Variants in MAP3K4 observed in about 807,000 individuals in gnomAD.
MAP3K4 encodes the protein mitogen-activated protein kinase kinase kinase 4, also known as MAP three kinase 1.
A neutral mutation model predicts 185.6 loss-of-function variants in MAP3K4; 67 were observed. The ratio of observed to expected loss-of-function variants is 0.36; its 90% CI spans 0.30 to 0.44. MAP3K4 has a LOEUF of 0.44. Ranked by LOEUF, MAP3K4 falls within the 20% of genes least tolerant of loss-of-function variation. The pLI, the probability that MAP3K4 is intolerant of heterozygous loss-of-function variation, is 1.00. For missense variants in MAP3K4, 1,551 were observed against 1,995.1 expected (o/e 0.78, Z 4.24); for synonymous variants, 702 against 710.4 (o/e 0.99, Z 0.19).
intron 1 of MAP3K4, among the ~76,000 whole-genome samples, chr6:160,999,169 G>A (rs1353563592): frequency 6.6e-6 from 1 of 152,190 alleles, no homozygotes; most frequent in Non-Finnish European, 1.5e-5. Context: ...GTTTTCAGTG[G>A]AAGCTTTTTT....
In MAP3K4 at chr6:161,061,880, T is replaced by C. The variant is rs1784498967; in HGVS notation, c.1708-8728T>C. On this transcript the variant is annotated intron_variant, in intron 3 of 26. Transcript: ENST00000392142. The surrounding 1 kb of genome is among the most constrained non-coding windows in gnomAD (Gnocchi z 4.2). ...CATAGATTTCTTAAAATTTTATTTTTAGGTATTGGTTTTTAATTTGTTTTT... is the reference window on the plus strand; with the variant it reads ...CATAGATTTCTTAAAATTTTATTTTCAGGTATTGGTTTTTAATTTGTTTTT... Among the ~76,000 whole-genome samples the C allele has an allele frequency of 6.6e-6, 1 of 152,248 alleles. No individual in the cohort carries two copies. The highest frequency in any genetic ancestry group is 2.1e-4 in the South Asian group (1 of 4,832).
Position 161,034,357 on chromosome 6 carries a change from CT to C in MAP3K4, c.252del (p.Ser87AlafsTer6). 6.2e-7 allele frequency: 1 copy of C among 1,613,836 alleles called. No homozygotes were observed. The highest frequency in any genetic ancestry group is 8.5e-7 in the Non-Finnish European group (1 of 1,179,830). ...ETNTENLYGT[S>X]PPSTPRQMKR... ...AATACAGAGAATCTTTATGGTACCT[CT>C]CCCCCCAGCACACCTCGACAGATGA... On this transcript the variant is annotated frameshift_variant, in exon 2 of 27. Transcript: ENST00000392142. LOFTEE classifies it high-confidence loss of function. The surrounding 1 kb of genome is among the most constrained non-coding windows in gnomAD (Gnocchi z 4.4).
rs926901631 is a variant in MAP3K4 at position 161,114,238 on chromosome 6, A to T, written c.4627-885A>T. On this transcript the variant is annotated intron_variant, in intron 25 of 26. Coordinates refer to ENST00000392142, the MANE Select transcript of MAP3K4 (RefSeq NM_005922.4). The surrounding 1 kb of genome is among the most constrained non-coding windows in gnomAD (Gnocchi z 4.3). Reference sequence around the variant, plus strand: ...AGAAGTTTTCTGCTTCTGAAAATGTATCTTATGATGATAATATTAATGAGC... The same window carrying T: ...AGAAGTTTTCTGCTTCTGAAAATGTTTCTTATGATGATAATATTAATGAGC... Among the ~76,000 whole-genome samples, 13 of 152,228 alleles carry T rather than the reference A, an allele frequency of 8.5e-5. No individual in the cohort carries two copies. The highest frequency in any genetic ancestry group is 2.7e-4 in the African/African-American group (11 of 41,454).
intron 6 of MAP3K4, among the ~76,000 whole-genome samples, chr6:161,083,188 A>G (rs1016050676): frequency 6.6e-6 from 1 of 151,840 alleles, no homozygotes; most frequent in South Asian, 2.1e-4. Context: ...GTCTTTATCC[A>G]GATGTTACCT....
Position 161,053,496 on chromosome 6 carries a change from A to T in MAP3K4, c.1707+3517A>T, listed in dbSNP as rs1291660541. The stretch of plus-strand genomic sequence containing the variant: ...TGGGTGCAACTGTATTTTTATTTTT[A>T]AGATATCTTCTGCCTTTTAACCTCT... On this transcript the variant is annotated intron_variant, in intron 3 of 26. Coordinates refer to ENST00000392142, the MANE Select transcript of MAP3K4 (RefSeq NM_005922.4). The surrounding 1 kb of genome is among the most constrained non-coding windows in gnomAD (Gnocchi z 4.2). 6.6e-6 allele frequency among the ~76,000 whole-genome samples: 1 copy of T among 152,204 alleles called. No homozygotes were observed. The highest frequency in any genetic ancestry group is 2.4e-5 in the African/African-American group (1 of 41,446).
At position 161,107,758 on chromosome 6, in the gene MAP3K4, G is replaced by C; in HGVS notation, c.4049-141G>C. 1 of 583,144 alleles carries C rather than the reference G, an allele frequency of 1.7e-6. No homozygotes were observed. The highest frequency in any genetic ancestry group is 2.9e-6 in the Non-Finnish European group (1 of 345,776). The allele number at this position is 583,144 out of a possible 1,614,324, so 36.1% of individuals were successfully genotyped here. A position where few individuals can be genotyped will look rare whatever the true frequency, so the allele number is the denominator to read the frequency against. ...AACATTTAGAAAAATTTTGGATCTT[G>C]CAATAGTAAACTGCAGTAAACATAA... On this transcript the variant is annotated intron_variant, in intron 20 of 26. Transcript: ENST00000392142. This position sits in a 1 kb window ranked among gnomAD's most constrained non-coding sequence, Gnocchi z 6.2.
intron 1 of MAP3K4, among the ~76,000 whole-genome samples, chr6:161,027,204 G>A (rs1026084606): frequency 6.6e-6 from 1 of 152,162 alleles, no homozygotes; most frequent in African/African-American, 2.4e-5. Context: ...CTAGAATACA[G>A]AATGTGATAC....
Position 161,109,679 on chromosome 6 carries a change from A to C in MAP3K4, c.4237-76A>C. On this transcript the variant is annotated intron_variant, in intron 22 of 26. Coordinates refer to ENST00000392142, the MANE Select transcript of MAP3K4 (RefSeq NM_005922.4). The surrounding 1 kb of genome is among the most constrained non-coding windows in gnomAD (Gnocchi z 5.7). Reference sequence around the variant, plus strand: ...ACATTCCTTTGGGGTGTGGCCTAGGAAGTTTTCCAGATTTTTCACTAGCGT... The same window carrying C: ...ACATTCCTTTGGGGTGTGGCCTAGGCAGTTTTCCAGATTTTTCACTAGCGT... 2 of 1,480,114 alleles carry C rather than the reference A, an allele frequency of 1.4e-6. No homozygotes were observed. Among genetic ancestry groups the C allele is most frequent in the Non-Finnish European group, 1.9e-6 (2 of 1,064,928 alleles). The allele number at this position is 1,480,114 out of a possible 1,614,324, so 91.7% of individuals were successfully genotyped here.
At chr6:161,036,575 CT>C (rs1324984206) in intron 2 of MAP3K4, among the ~76,000 whole-genome samples, 1 of 152,064 alleles carries the variant, frequency 6.6e-6, no homozygotes, top group Non-Finnish European at 1.5e-5. Flanking sequence ...GTTTTATGAA[CT>C]TTTTTTGTCA....
At chr6:161,010,428 TAA>T (rs1218203893) in intron 1 of MAP3K4, among the ~76,000 whole-genome samples, 2 of 152,222 alleles carry the variant, frequency 1.3e-5, no homozygotes, top group Non-Finnish European at 2.9e-5. Flanking sequence ...TTTAGGCTAA[TAA>T]AAGTGTTTAT....
chr6:161,004,258 A>G (rs1781468951), intron 1 of MAP3K4, among the ~76,000 whole-genome samples: 1 of 152,192 alleles, frequency 6.6e-6, no homozygotes, highest in South Asian at 2.1e-4. Flanking sequence ...TATGACCCAT[A>G]ATGCTGTGTT....
chr6:160,997,149 C>CT (rs1347904412), intron 1 of MAP3K4, among the ~76,000 whole-genome samples: 7 of 151,994 alleles, frequency 4.6e-5, no homozygotes, highest in Admixed American at 4.6e-4. Flanking sequence ...TTTAAGATTT[C>CT]TTTTTTTAAA....
At chr6:161,060,488 T>G (rs1304465901) in intron 3 of MAP3K4, among the ~76,000 whole-genome samples, 3 of 152,232 alleles carry the variant, frequency 2.0e-5, no homozygotes, top group Non-Finnish European at 2.9e-5. Flanking sequence ...TGGGAACATA[T>G]TCAATTGGCT....
chr6:161,000,285 A>G (rs895508531), intron 1 of MAP3K4, among the ~76,000 whole-genome samples: 1 of 152,234 alleles, frequency 6.6e-6, no homozygotes, highest in Non-Finnish European at 1.5e-5. Context: ...TTAAAAGCAT[A>G]GCTCTACCCA....
rs550186645 is a variant in MAP3K4 at position 161,066,111 on chromosome 6, G to T, written c.1708-4497G>T. Among the ~76,000 whole-genome samples the T allele has an allele frequency of 3.9e-5, 6 of 152,016 alleles. No individual in the cohort carries two copies. The East Asian group carries it at 9.7e-4, about 25-fold the overall frequency. ...TGTTAAATTTATGGCTTTTCTCTTTGTTTGCTATTTTTCTTTCCCTATCTT... is the reference window on the plus strand; with the variant it reads ...TGTTAAATTTATGGCTTTTCTCTTTTTTTGCTATTTTTCTTTCCCTATCTT... On this transcript the variant is annotated intron_variant, in intron 3 of 26. Coordinates refer to ENST00000392142, the MANE Select transcript of MAP3K4 (RefSeq NM_005922.4).
In MAP3K4 at chr6:161,054,985, A is replaced by C. The variant is rs1183549231; in HGVS notation, c.1707+5006A>C. 6.6e-6 allele frequency among the ~76,000 whole-genome samples: 1 copy of C among 152,218 alleles called. No individual in the cohort carries two copies. The highest frequency in any genetic ancestry group is 2.4e-5 in the African/African-American group (1 of 41,462). On this transcript the variant is annotated intron_variant, in intron 3 of 26. Transcript: ENST00000392142. The surrounding 1 kb of genome is among the most constrained non-coding windows in gnomAD (Gnocchi z 4.2). ...TTCTTCTCTTATTCCATTGCTGTTT[A>C]GAACATCCCAGGATCTTATTGTTTG...
chr6:161,012,736 T>C (rs368936493), intron 1 of MAP3K4, among the ~76,000 whole-genome samples: 4 of 152,156 alleles, frequency 2.6e-5, no homozygotes, highest in African/African-American at 9.7e-5. Context: ...GTGAAAGATT[T>C]AAATAGTAGT....
At chr6:161,024,599 AG>A (rs886632978) in intron 1 of MAP3K4, among the ~76,000 whole-genome samples, 4 of 152,158 alleles carry the variant, frequency 2.6e-5, no homozygotes, top group African/African-American at 9.7e-5. Flanking sequence ...GGTATTCTGT[AG>A]AAAGTCCCGC....
chr6:161,076,757 G>A lies in MAP3K4; in HGVS notation c.2097+3145G>A, dbSNP rs748707298. On this transcript the variant is annotated intron_variant, in intron 5 of 26. Transcript: ENST00000392142. This position sits in a 1 kb window ranked among gnomAD's most constrained non-coding sequence, Gnocchi z 4.2. ...TTGAGTTTCTGCAGAAGAACAAAGA[G>A]CAAAGAAGCAGGGAAGCTCTTAAGT... 7.9e-5 allele frequency among the ~76,000 whole-genome samples: 12 copies of A among 152,332 alleles called. No individual in the cohort carries two copies. Among genetic ancestry groups the A allele is most frequent in the Middle Eastern group, 3.4e-3 (1 of 294 alleles).
Sources: gnomAD v4.1 joint callset for allele counts (sites outside exome capture counted in the v4.1 genomes callset) on GRCh38, gnomAD v4.1.1 for gene constraint, Gnocchi (gnomAD v3.1) non-coding constraint, MANE v1.5 for transcripts, NCBI Gene and HGNC (gene_info 2026-07-23, HGNC 2026-07-21) for gene names.